Variants in TOM1L2 observed in about 807,000 individuals in gnomAD.
The protein encoded by TOM1L2 is target of myb1 like 2 membrane trafficking protein.
A neutral mutation model predicts 67.9 loss-of-function variants in TOM1L2; 31 were observed. The observed-to-expected ratio is 0.46, with a 90% CI of 0.34 to 0.62. The LOEUF (loss-of-function observed/expected upper bound fraction) is 0.62, where lower values mean the gene tolerates loss of function less well. Ranked by LOEUF, TOM1L2 falls within the 20% of genes least tolerant of loss-of-function variation. The pLI is 0.01. For synonymous variants in TOM1L2, 256 were observed against 254.0 expected (o/e 1.01, Z -0.07); for missense variants, 606 against 663.5 (o/e 0.91, Z 0.95).
At chr17:17,906,567 T>C (rs1009770108) in intron 2 of TOM1L2, among the ~76,000 whole-genome samples, 7 of 152,250 alleles carry the variant, frequency 4.6e-5, no homozygotes, top group African/African-American at 1.7e-4. Context: ...CCTACTACTC[T>C]AGACTGGCCG....
intron 1 of TOM1L2, among the ~76,000 whole-genome samples, chr17:17,947,207 G>A (rs1016855521): frequency 6.6e-6 from 1 of 151,390 alleles, no homozygotes; most frequent in Non-Finnish European, 1.5e-5. Context: ...AGTTTTATAC[G>A]GTGGGGGGGT....
chr17:17,905,199 T>C (rs1441635462), intron 2 of TOM1L2, among the ~76,000 whole-genome samples: 1 of 152,222 alleles, frequency 6.6e-6, no homozygotes, highest in Non-Finnish European at 1.5e-5. Flanking sequence ...GGTGAAAATA[T>C]GCCACCTTTC....
intron 1 of TOM1L2, among the ~76,000 whole-genome samples, chr17:17,971,693 C>T (rs1330888052): frequency 6.6e-6 from 1 of 152,234 alleles, no homozygotes. Flanking sequence ...GATAAAGACA[C>T]ATGCAGTGGC....
At position 17,873,521 on chromosome 17, in the gene TOM1L2, C is replaced by T. The variant is rs141888342; in HGVS notation, c.778-4048G>A. 2.4e-3 allele frequency among the ~76,000 whole-genome samples: 365 copies of T among 152,292 alleles called. 3 individuals carry two copies. Among genetic ancestry groups the T allele is most frequent in the African/African-American group, 8.3e-3 (345 of 41,572 alleles). ...CAAAGAGTAGGCCTCAAGGGTGGTT[C>T]ACTGGATTTAGAGGAGAACCAAACC... On this transcript the variant is annotated intron_variant, in intron 7 of 14. Transcript: ENST00000379504.
chr17:17,884,902 T>A, intron 4 of TOM1L2, 134 bp from the exon 5 acceptor site: 1 of 1,187,722 alleles, frequency 8.4e-7, no homozygotes. Flanking sequence ...TGGCTAAACC[T>A]ATTCTGTTCC....
chr17:17,922,371 G>A (rs1352958076), intron 1 of TOM1L2, among the ~76,000 whole-genome samples: 5 of 152,328 alleles, frequency 3.3e-5, no homozygotes, highest in African/African-American at 1.2e-4. Context: ...AGGAGTCTGG[G>A]CTTTCCACAG....
At position 17,884,645 on chromosome 17, in the gene TOM1L2, T is replaced by A. The variant is rs1489894555; in HGVS notation, c.490A>T (p.Thr164Ser). Reference sequence around the variant, plus strand: ...AGCTGGAAGCTTACCCGCTGTGGTGTGTGTATGGGAGACAGAGCGTCCAAG... The same window carrying A: ...AGCTGGAAGCTTACCCGCTGTGGTGAGTGTATGGGAGACAGAGCGTCCAAG... Reference protein sequence around the residue: ...ADLDALSPIHTPQRSVPEVDP... With the variant: ...ADLDALSPIHSPQRSVPEVDP... Residue 164 changes from threonine to serine, a missense_variant, in exon 5 of 15, where the codon ACA becomes TCA. Coordinates refer to ENST00000379504, the MANE Select transcript of TOM1L2 (RefSeq NM_001082968.2). 1 of 1,613,926 alleles carries A rather than the reference T, an allele frequency of 6.2e-7. No homozygotes were observed. The highest frequency in any genetic ancestry group is 8.5e-7 in the Non-Finnish European group (1 of 1,180,014).
rs934824317 is a variant in TOM1L2 at position 17,903,591 on chromosome 17, C to T, written c.137+3856G>A. 4.2e-5 allele frequency among the ~76,000 whole-genome samples: 6 copies of T among 141,422 alleles called. 1 individual carries two copies. The highest frequency in any genetic ancestry group is 3.7e-3 in the Middle Eastern group (1 of 270). The allele number at this position is 141,422 out of a possible 152,430, so 92.8% of individuals were successfully genotyped here. A position where few individuals can be genotyped will look rare whatever the true frequency, so the allele number is the denominator to read the frequency against. On this transcript the variant is annotated intron_variant, in intron 2 of 14. Coordinates refer to ENST00000379504, the MANE Select transcript of TOM1L2 (RefSeq NM_001082968.2). ...TCGCGCCACTGCACTCCAGCCTGGGCGACAGAGCGAGACTCCATCTCAAAA... is the reference window on the plus strand; with the variant it reads ...TCGCGCCACTGCACTCCAGCCTGGGTGACAGAGCGAGACTCCATCTCAAAA...
At chr17:17,886,039 C>A (rs1353991704) in intron 4 of TOM1L2, among the ~76,000 whole-genome samples, 1 of 151,950 alleles carries the variant, frequency 6.6e-6, no homozygotes, top group Non-Finnish European at 1.5e-5. Flanking sequence ...TCCCATTCAC[C>A]ATACATACCC....
chr17:17,847,872 C>T, intron 14 of TOM1L2, 89 bp from the exon 15 acceptor site: 2 of 1,578,928 alleles, frequency 1.3e-6, no homozygotes, highest in Non-Finnish European at 1.7e-6. Flanking sequence ...CCGTTTCCTC[C>T]TCTAGGGCAG....
intron 3 of TOM1L2, 60 bp from the exon 4 acceptor site, chr17:17,893,870 A>C: frequency 1.9e-6 from 3 of 1,550,488 alleles, no homozygotes; most frequent in Non-Finnish European, 1.8e-6. Context: ...GACACTGGGA[A>C]CTGAGGAGCG....
At chr17:17,911,134 C>T (rs1044553877) in intron 1 of TOM1L2, among the ~76,000 whole-genome samples, 6 of 152,212 alleles carry the variant, frequency 3.9e-5, no homozygotes, top group Admixed American at 2.0e-4. Flanking sequence ...AAACCATGCT[C>T]AGAGCCAGCA....
chr17:17,904,928 C>G (rs533716521), intron 2 of TOM1L2, among the ~76,000 whole-genome samples: 44 of 152,336 alleles, frequency 2.9e-4, no homozygotes, highest in South Asian at 6.2e-4. Flanking sequence ...CAGCCCTTGC[C>G]AGTCCTGCCA....
chr17:17,893,880 G>A (rs911712867), intron 3 of TOM1L2, 70 bp from the exon 4 acceptor site: 17 of 1,501,242 alleles, frequency 1.1e-5, no homozygotes, highest in Admixed American at 3.8e-5. Flanking sequence ...ACTGAGGAGC[G>A]CAGCTGAGTT....
chr17:17,869,193 G>A (rs550927074), intron 8 of TOM1L2, 147 bp downstream of exon 8: 16 of 1,454,946 alleles, frequency 1.1e-5, no homozygotes, highest in African/African-American at 1.4e-5. Flanking sequence ...CCTGTCAGCC[G>A]GGAACAAATT....
At chr17:17,908,541 T>TAATC (rs2039196430) in intron 1 of TOM1L2, among the ~76,000 whole-genome samples, 1 of 152,132 alleles carries the variant, frequency 6.6e-6, no homozygotes, top group African/African-American at 2.4e-5. Context: ...ATATATATGA[T>TAATC]AAGGGGTTAA....
chr17:17,874,327 G>A (rs1208904414), intron 7 of TOM1L2, among the ~76,000 whole-genome samples: 1 of 151,738 alleles, frequency 6.6e-6, no homozygotes, highest in East Asian at 1.9e-4. Flanking sequence ...CTGGAGTACG[G>A]TGGTACGATC....
intron 12 of TOM1L2, chr17:17,851,227 GA>G: frequency 2.1e-6 from 1 of 477,480 alleles, no homozygotes; most frequent in East Asian, 3.8e-5. Flanking sequence ...TTGAAATGGA[GA>G]ACTTTTTGAC....
chr17:17,971,950 GC>G (rs914517893), intron 1 of TOM1L2, among the ~76,000 whole-genome samples: 3 of 151,510 alleles, frequency 2.0e-5, no homozygotes, highest in Non-Finnish European at 3.0e-5. Context: ...CGAAGGCCCA[GC>G]CCCCCCGGGA....
Sources: gnomAD v4.1 joint callset for allele counts (sites outside exome capture counted in the v4.1 genomes callset) on GRCh38, gnomAD v4.1.1 for gene constraint, MANE v1.5 for transcripts, NCBI Gene and HGNC (gene_info 2026-07-23, HGNC 2026-07-21) for gene names.